Variants in GRAMD2B observed in about 807,000 individuals in gnomAD.
The protein encoded by GRAMD2B is GRAM domain containing 2B, also known as GRAM domain-containing protein 2B.
GRAMD2B carries 41 observed loss-of-function variants against 59.2 expected under a neutral mutation model. The observed-to-expected ratio is 0.69, with a 90% CI of 0.54 to 0.90. The LOEUF (loss-of-function observed/expected upper bound fraction) is 0.90, where lower values mean the gene tolerates loss of function less well. Among genes scored for constraint, GRAMD2B ranks in the 40% least tolerant of loss-of-function variants. GRAMD2B has a pLI of 0.00. For synonymous variants in GRAMD2B, 161 were observed against 182.7 expected (o/e 0.88, Z 0.96); for missense variants, 424 against 500.5 (o/e 0.85, Z 1.46).
rs953149759 is a variant in GRAMD2B at position 126,451,775 on chromosome 5, A to G, written c.84-13651A>G. Among the ~76,000 whole-genome samples the G allele has an allele frequency of 4.7e-4, 71 of 152,192 alleles. 1 individual carries two copies. Among genetic ancestry groups the G allele is most frequent in the African/African-American group, 1.6e-3 (66 of 41,556 alleles). ...TGTGATTCCCAGTGTCAGAGGCGGG[A>G]CCTGGTAGAAGATGATTGGATCGCA... On this transcript the variant is annotated intron_variant, in intron 1 of 13. Transcript: ENST00000285689.
upstream of GRAMD2B, among the ~76,000 whole-genome samples, chr5:126,419,482 G>A (rs572018470): frequency 1.3e-5 from 2 of 152,082 alleles, no homozygotes; most frequent in African/African-American, 2.4e-5. Flanking sequence ...CCAACACTCG[G>A]GATCCCAATT....
At chr5:126,422,316 C>T (rs1338470341), upstream of GRAMD2B, among the ~76,000 whole-genome samples, 1 of 152,016 alleles carries the variant, frequency 6.6e-6, no homozygotes, top group Non-Finnish European at 1.5e-5. Context: ...CCTGCCTCAG[C>T]CTCCCAAATA....
intron 9 of GRAMD2B, 135 bp from the exon 10 acceptor site, chr5:126,484,267 C>A: frequency 1.0e-6 from 1 of 982,370 alleles, no homozygotes; most frequent in Non-Finnish European, 1.5e-6. Context: ...CCCCAGCCAC[C>A]ACAACTAACT....
At chr5:126,408,124 C>A (rs1027788730) in intron 1 of GRAMD2B, among the ~76,000 whole-genome samples, 1 of 151,892 alleles carries the variant, frequency 6.6e-6, no homozygotes. Context: ...CTATTAGTCC[C>A]CAGTGTCCAC....
chr5:126,363,817 G>A (rs1754325637), intron 1 of GRAMD2B, among the ~76,000 whole-genome samples: 1 of 152,146 alleles, frequency 6.6e-6, no homozygotes, highest in African/African-American at 2.4e-5. Context: ...CAGAATGGAA[G>A]AGGAAAATAG....
Position 126,491,827 on chromosome 5 carries a change from A to G in GRAMD2B, c.1258-1088A>G, listed in dbSNP as rs113210786. Among the ~76,000 whole-genome samples, 716 of 151,846 alleles carry G rather than the reference A, an allele frequency of 4.7e-3. 6 individuals are homozygous for G. Among genetic ancestry groups the G allele is most frequent in the African/African-American group, 0.015 (637 of 41,372 alleles). On this transcript the variant is annotated intron_variant, in intron 13 of 13. Transcript: ENST00000285689. ...TGGCTCACTGCAACCCCCACCTTCC[A>G]GGTTCAAGCAATTCTCCTGCCTCAG... is the stretch of plus-strand genomic sequence containing the variant.
chr5:126,405,180 G>C (rs1227670753), intron 1 of GRAMD2B, among the ~76,000 whole-genome samples: 1 of 151,898 alleles, frequency 6.6e-6, no homozygotes, highest in Non-Finnish European at 1.5e-5. Context: ...AGTCTGGGAA[G>C]AACTGGTAGT....
intron 1 of GRAMD2B, among the ~76,000 whole-genome samples, chr5:126,431,931 T>C (rs2149803111): frequency 6.6e-6 from 1 of 152,196 alleles, no homozygotes; most frequent in East Asian, 1.9e-4. Flanking sequence ...GATTTTTGTT[T>C]TGTTTTGTTT....
intron 1 of GRAMD2B, among the ~76,000 whole-genome samples, chr5:126,453,854 G>C (rs897080136): frequency 6.6e-6 from 1 of 152,232 alleles, no homozygotes; most frequent in Non-Finnish European, 1.5e-5. Context: ...AGGAGTTCAT[G>C]AGGTAGGTTT....
At chr5:126,399,312 C>G (rs1379285030) in intron 1 of GRAMD2B, among the ~76,000 whole-genome samples, 2 of 152,060 alleles carry the variant, frequency 1.3e-5, no homozygotes, top group Non-Finnish European at 2.9e-5. Context: ...TGGTTTAGCT[C>G]TGTGTCTCCA....
At chr5:126,407,651 G>T (rs1230710805) in intron 1 of GRAMD2B, among the ~76,000 whole-genome samples, 4 of 151,906 alleles carry the variant, frequency 2.6e-5, no homozygotes, top group African/African-American at 9.7e-5. Flanking sequence ...ATTCAAATGG[G>T]GACAGAGGTC....
At chr5:126,485,169 CATAG>C (rs1213604623) in intron 10 of GRAMD2B, among the ~76,000 whole-genome samples, 1 of 151,928 alleles carries the variant, frequency 6.6e-6, no homozygotes, top group African/African-American at 2.4e-5. Context: ...GCCTGGGCAA[CATAG>C]TGAGACCCTA....
chr5:126,472,997 T>C (rs527380500), intron 4 of GRAMD2B, among the ~76,000 whole-genome samples: 1 of 152,348 alleles, frequency 6.6e-6, no homozygotes, highest in Non-Finnish European at 1.5e-5. Flanking sequence ...TAGAGGAGAC[T>C]TGTAAGACCC....
At chr5:126,421,882 CTTTAT>C (rs1384652897), upstream of GRAMD2B, among the ~76,000 whole-genome samples, 1 of 152,136 alleles carries the variant, frequency 6.6e-6, no homozygotes, top group Non-Finnish European at 1.5e-5. Flanking sequence ...TAAATCTAAA[CTTTAT>C]TTTAAGAGAA....
intron 8 of GRAMD2B, 106 bp from the exon 9 acceptor site, chr5:126,483,357 T>G (rs1772243839): frequency 1.7e-6 from 1 of 582,464 alleles, no homozygotes; most frequent in Non-Finnish European, 3.0e-6. Context: ...TTCCTTCTAT[T>G]CTATGTTTTA....
chr5:126,446,982 G>A (rs186491381), intron 1 of GRAMD2B, among the ~76,000 whole-genome samples: 3 of 152,198 alleles, frequency 2.0e-5, no homozygotes, highest in African/African-American at 4.8e-5. Context: ...AAGGCATGAC[G>A]GCCCCTCCCA....
chr5:126,484,245 A>G, intron 9 of GRAMD2B, 157 bp from the exon 10 acceptor site: 1 of 731,534 alleles, frequency 1.4e-6, no homozygotes, highest in Non-Finnish European at 2.2e-6. Context: ...TTGCTTAAGC[A>G]TTCAATTTCA....
chr5:126,448,960 A>G (rs1312899442), intron 1 of GRAMD2B, among the ~76,000 whole-genome samples: 5 of 152,354 alleles, frequency 3.3e-5, no homozygotes, highest in African/African-American at 1.2e-4. Flanking sequence ...TGTCACGGGT[A>G]TGAATGCTTT....
chr5:126,400,727 T>C (rs1757756796), intron 1 of GRAMD2B, among the ~76,000 whole-genome samples: 1 of 152,160 alleles, frequency 6.6e-6, no homozygotes, highest in Admixed American at 6.6e-5. Context: ...AAGTATGGTA[T>C]TCTTGGTTGG....
Sources: gnomAD v4.1 joint callset for allele counts (sites outside exome capture counted in the v4.1 genomes callset) on GRCh38, gnomAD v4.1.1 for gene constraint, MANE v1.5 for transcripts, NCBI Gene and HGNC (gene_info 2026-07-23, HGNC 2026-07-21) for gene names.